The following TENM1 variants were observed in gnomAD, a reference collection of about 807,000 sequenced individuals.
TENM1 encodes teneurin-1.
In TENM1, 35 loss-of-function variants were observed where a neutral mutation model predicts 174.8. That is an observed-to-expected ratio of 0.20 (90% CI 0.15 to 0.27). The LOEUF is 0.27. TENM1 is among the 10% of genes least tolerant of loss of function. The pLI, the probability that TENM1 is intolerant of heterozygous loss-of-function variation, is 1.00. For missense variants in TENM1, 1,633 were observed against 2,130.1 expected, an observed-to-expected ratio of 0.77 and a Z score of 4.59; for synonymous variants, 781 against 798.7, an observed-to-expected ratio of 0.98 and a Z score of 0.37.
chrX:124,385,668 A>T lies in TENM1; in HGVS notation c.6076+9T>A, dbSNP rs2060209793. On this transcript the variant is annotated intron_variant, in intron 29 of 31. Coordinates refer to ENST00000422452, the Ensembl canonical transcript of TENM1. ...TTGTTGTACACACCACCACTCTTTC[A>T]CAACAAACCTGTTTGCCTGTATCTG... 2 of 1,180,769 alleles carry T rather than the reference A, an allele frequency of 1.7e-6. No individual in the cohort carries two copies. The highest frequency in any genetic ancestry group is 4.5e-5 in the Admixed American group (2 of 44,147).
At chrX:124,512,726 T>C (rs2266895) in intron 18 of TENM1, among the ~76,000 whole-genome samples, 18,857 of 111,170 alleles carry the variant, frequency 0.17, 1,218 homozygotes, top group Middle Eastern at 0.2. Context: ...CTCATTTTCA[T>C]TGTCTCTCAA....
chrX:124,709,351 A>ATAAC (rs1229642951), intron 4 of TENM1, among the ~76,000 whole-genome samples: 4 of 111,371 alleles, frequency 3.6e-5, no homozygotes, highest in Admixed American at 9.6e-5. Flanking sequence ...ACAATATACT[A>ATAAC]TAACATAGTG....
chrX:124,563,770 G>C, exon 13 of TENM1: 1 of 1,190,575 alleles, frequency 8.4e-7, no homozygotes, highest in South Asian at 1.9e-5. Flanking sequence ...TCTAAGTAGT[G>C]AGCTAAAAGG....
At chrX:124,650,200 C>CAAAAAA (rs755570562) in intron 8 of TENM1, among the ~76,000 whole-genome samples, 20 of 24,832 alleles carry the variant, frequency 8.1e-4, no homozygotes, top group Non-Finnish European at 1.4e-3. Context: ...AAACTGTCTC[C>CAAAAAA]AAAAAAAAAA....
chrX:124,954,610 A>C (rs2058542729), intron 1 of TENM1, among the ~76,000 whole-genome samples: 1 of 111,728 alleles, frequency 9.0e-6, no homozygotes, highest in South Asian at 3.7e-4. Context: ...GTAAATCAAG[A>C]TGACATAATG....
At chrX:125,155,972 G>C in the TENM1 span, among the ~76,000 whole-genome samples, 1 of 112,888 alleles carries the variant, frequency 8.9e-6, no homozygotes, top group Admixed American at 9.2e-5. Context: ...GGCAAGGGAG[G>C]CGCCGAGAGC....
At chrX:125,121,698 C>CATTT in the TENM1 span, among the ~76,000 whole-genome samples, 1 of 111,882 alleles carries the variant, frequency 8.9e-6, no homozygotes, top group Admixed American at 9.5e-5. Flanking sequence ...TGGAGGTTGA[C>CATTT]TCAGTTGTAA....
chrX:124,389,763 C>G (rs574510575), intron 28 of TENM1, among the ~76,000 whole-genome samples: 1 of 111,255 alleles, frequency 9.0e-6, no homozygotes, highest in Admixed American at 9.6e-5. Flanking sequence ...TTAATTATAT[C>G]TATTCAGTGA....
chrX:124,771,153 C>A (rs1357659992), intron 3 of TENM1, among the ~76,000 whole-genome samples: 1 of 112,311 alleles, frequency 8.9e-6, no homozygotes, highest in Admixed American at 9.4e-5. Context: ...CATTTACTGG[C>A]ATGGGTGAGT....
At chrX:124,419,947 C>T (rs1194028014) in intron 25 of TENM1, among the ~76,000 whole-genome samples, 3 of 112,103 alleles carry the variant, frequency 2.7e-5, no homozygotes, top group African/African-American at 9.7e-5. Flanking sequence ...AGTCACACTG[C>T]TTCTTTGCTG....
chrX:124,767,146 T>C (rs1013865953), intron 3 of TENM1, among the ~76,000 whole-genome samples: 2 of 111,651 alleles, frequency 1.8e-5, no homozygotes, highest in African/African-American at 6.5e-5. Flanking sequence ...GTATTATACA[T>C]GCTTCCTTTG....
intron 5 of TENM1, among the ~76,000 whole-genome samples, chrX:124,678,001 G>A (rs2052133844): frequency 9.0e-6 from 1 of 111,529 alleles, no homozygotes; most frequent in African/African-American, 3.3e-5. Context: ...AAAATAAAAA[G>A]CCAAAAAGAG....
intron 1 of TENM1, among the ~76,000 whole-genome samples, chrX:124,902,161 C>A (rs2057674609): frequency 8.9e-6 from 1 of 111,936 alleles, no homozygotes; most frequent in Non-Finnish European, 1.9e-5. Flanking sequence ...AATTATAACC[C>A]GAACCTGTTA....
At chrX:124,894,274 T>C (rs1207530497) in intron 3 of TENM1, 22 bp downstream of exon 6, 1 of 1,176,914 alleles carries the variant, frequency 8.5e-7, no homozygotes, top group Non-Finnish European at 1.2e-6. Context: ...TAATTTGTGA[T>C]CAAATATTTG....
chrX:125,196,385 T>G, the TENM1 span, among the ~76,000 whole-genome samples: 2 of 111,665 alleles, frequency 1.8e-5, no homozygotes, highest in Non-Finnish European at 3.8e-5. Flanking sequence ...AATGTATGTA[T>G]GTTTTCATAA....
the TENM1 span, among the ~76,000 whole-genome samples, chrX:125,004,671 A>G: frequency 8.9e-6 from 1 of 111,859 alleles, no homozygotes; most frequent in African/African-American, 3.2e-5. Flanking sequence ...CCTATCAACT[A>G]TATTGTTTAA....
At chrX:124,939,108 T>C (rs945233007) in intron 1 of TENM1, among the ~76,000 whole-genome samples, 2 of 111,783 alleles carry the variant, frequency 1.8e-5, no homozygotes, top group African/African-American at 6.5e-5. Context: ...TGGATACAAA[T>C]AAATATATAA....
At chrX:124,983,770 G>T in the TENM1 span, among the ~76,000 whole-genome samples, 2 of 110,518 alleles carry the variant, frequency 1.8e-5, no homozygotes, top group Admixed American at 9.7e-5. Context: ...ACAGGCATGT[G>T]CCACCATGCC....
the TENM1 span, among the ~76,000 whole-genome samples, chrX:125,153,620 AT>A: frequency 1.8e-5 from 2 of 112,209 alleles, no homozygotes; most frequent in Non-Finnish European, 1.9e-5. Flanking sequence ...TAAAACTGGG[AT>A]TTTCAGATTA....
Sources: allele counts gnomAD v4.1 joint callset (sites outside exome capture counted in the v4.1 genomes callset), GRCh38; gene constraint gnomAD v4.1.1; transcripts MANE v1.5; gene names NCBI Gene and HGNC (gene_info 2026-07-23, HGNC 2026-07-21).